Variants in SAMD3 observed in about 807,000 individuals in gnomAD.
The protein encoded by SAMD3 is sterile alpha motif domain containing 3.
Under a neutral mutation model 58.5 loss-of-function variants are expected in SAMD3, and 63 were observed. That is an observed-to-expected ratio of 1.08 (90% CI 0.88 to 1.33). The LOEUF (loss-of-function observed/expected upper bound fraction) is 1.33. Among genes scored for constraint, SAMD3 ranks in the 40% most tolerant of loss-of-function variants. The pLI, the probability that SAMD3 is intolerant of heterozygous loss-of-function variation, is 0.00. For missense variants in SAMD3, 604 were observed against 608.4 expected (o/e 0.99, Z 0.08); for synonymous variants, 220 against 210.3 (o/e 1.05, Z -0.40).
intron 5 of SAMD3, among the ~76,000 whole-genome samples, chr6:130,185,649 T>TTA (rs1475561074): frequency 1.3e-5 from 2 of 148,604 alleles, no homozygotes; most frequent in African/African-American, 5.0e-5. Flanking sequence ...TTTTTTTTTT[T>TTA]AGACAGAGTC....
chr6:130,213,721 A>C (rs896255981), intron 4 of SAMD3, among the ~76,000 whole-genome samples: 2 of 152,186 alleles, frequency 1.3e-5, no homozygotes, highest in African/African-American at 4.8e-5. Flanking sequence ...TGATTAAAAA[A>C]CAAACAAATA....
At chr6:130,292,267 C>CTTTTTTTTTTTT (rs1554271698) in intron 2 of SAMD3, among the ~76,000 whole-genome samples, 1 of 83,942 alleles carries the variant, frequency 1.2e-5, no homozygotes, top group African/African-American at 3.9e-5. Flanking sequence ...TTTTTTCTTT[C>CTTTTTTTTTTTT]TTTCTTTTTT....
In SAMD3 at chr6:130,184,575, C is replaced by A. The variant is rs377087757; in HGVS notation, c.432G>T (p.Thr144=). Reference sequence around the variant, plus strand: ...GAAACTCTGGTAAAACATAGGACTTCGTCCACTGTAATGCTTTGCTTCTTG... The same window carrying A: ...GAAACTCTGGTAAAACATAGGACTTAGTCCACTGTAATGCTTTGCTTCTTG... ...ILARSKALQW[T]KSYVLPEFPY... Residue 144 remains threonine (T), a synonymous_variant, in exon 6 of 12, where the codon ACG becomes ACT. Coordinates refer to ENST00000439090, the MANE Select transcript of SAMD3 (RefSeq NM_001017373.4). The A allele has an allele frequency of 6.2e-7, 1 of 1,613,868 alleles. No individual in the cohort carries two copies.
intron 1 of SAMD3, among the ~76,000 whole-genome samples, chr6:130,319,821 A>G (rs1047696744): frequency 9.8e-5 from 15 of 152,324 alleles, no homozygotes; most frequent in African/African-American, 2.6e-4. Context: ...TAAGTTTAAC[A>G]TGTAGAAGTA....
chr6:130,349,291 A>G (rs1041529118), intron 1 of SAMD3, among the ~76,000 whole-genome samples: 3 of 152,032 alleles, frequency 2.0e-5, no homozygotes, highest in Non-Finnish European at 4.4e-5. Context: ...AATCCAGGAG[A>G]TGGTTTTTTG....
intron 2 of SAMD3, among the ~76,000 whole-genome samples, chr6:130,267,905 CA>C (rs1312874834): frequency 1.3e-5 from 2 of 152,156 alleles, no homozygotes; most frequent in African/African-American, 4.8e-5. Context: ...TGCTCCCGGC[CA>C]AATAAACCCC....
At chr6:130,332,801 G>C (rs1186787232) in intron 1 of SAMD3, among the ~76,000 whole-genome samples, 1 of 152,128 alleles carries the variant, frequency 6.6e-6, no homozygotes, top group Non-Finnish European at 1.5e-5. Flanking sequence ...GGCTGTTTGT[G>C]GTTGTTTTAT....
At chr6:130,159,378 C>T (rs1321340457) in intron 8 of SAMD3, among the ~76,000 whole-genome samples, 1 of 152,122 alleles carries the variant, frequency 6.6e-6, no homozygotes, top group Non-Finnish European at 1.5e-5. Flanking sequence ...TTGTAAATTG[C>T]CCGGTCTCAG....
At chr6:130,231,495 C>T (rs955744971) in intron 2 of SAMD3, among the ~76,000 whole-genome samples, 41 of 151,918 alleles carry the variant, frequency 2.7e-4, no homozygotes, top group African/African-American at 8.7e-4. Context: ...ACCTGGGAGG[C>T]GGAGGTTGCC....
intron 8 of SAMD3, among the ~76,000 whole-genome samples, chr6:130,167,881 G>A (rs1416940847): frequency 3.3e-5 from 5 of 152,204 alleles, no homozygotes; most frequent in African/African-American, 9.7e-5. Flanking sequence ...GACAAGCAAA[G>A]CTATATATAT....
intron 2 of SAMD3, among the ~76,000 whole-genome samples, chr6:130,230,987 T>G (rs1796528644): frequency 6.6e-6 from 1 of 152,170 alleles, no homozygotes; most frequent in South Asian, 2.1e-4. Flanking sequence ...TCATGTTCTG[T>G]TCAACAGTGC....
chr6:130,232,272 C>T (rs912802023), intron 2 of SAMD3, among the ~76,000 whole-genome samples: 1 of 152,106 alleles, frequency 6.6e-6, no homozygotes, highest in African/African-American at 2.4e-5. Flanking sequence ...TTAAAAGACT[C>T]CAAAGGATTG....
chr6:130,287,806 A>G (rs905285774), intron 2 of SAMD3, among the ~76,000 whole-genome samples: 9 of 152,074 alleles, frequency 5.9e-5, no homozygotes, highest in Admixed American at 3.3e-4. Context: ...TAGCACGGGC[A>G]TGGTGTCACG....
chr6:130,323,875 T>C (rs1776668457), intron 1 of SAMD3, among the ~76,000 whole-genome samples: 2 of 150,268 alleles, frequency 1.3e-5, no homozygotes, highest in South Asian at 4.2e-4. Flanking sequence ...AAAATGTGTC[T>C]TCTGGTTCCC....
chr6:130,238,200 C>T (rs764357730), intron 2 of SAMD3, among the ~76,000 whole-genome samples: 7 of 152,108 alleles, frequency 4.6e-5, no homozygotes, highest in African/African-American at 7.2e-5. Context: ...GGGATAACTA[C>T]GTGCACAGAG....
intron 2 of SAMD3, among the ~76,000 whole-genome samples, chr6:130,274,469 G>C (rs1415174441): frequency 1.3e-5 from 2 of 152,184 alleles, no homozygotes; most frequent in Non-Finnish European, 2.9e-5. Flanking sequence ...AGTGACATGT[G>C]AGTCTGGGGT....
intron 2 of SAMD3, among the ~76,000 whole-genome samples, chr6:130,252,518 AAAC>A (rs1240631434): frequency 6.6e-6 from 1 of 152,214 alleles, no homozygotes; most frequent in Non-Finnish European, 1.5e-5. Context: ...TGGGGGGTGA[AAAC>A]AAGGCAAATC....
At chr6:130,208,126 C>T (rs1209439850) in intron 5 of SAMD3, among the ~76,000 whole-genome samples, 1 of 152,222 alleles carries the variant, frequency 6.6e-6, no homozygotes, top group Non-Finnish European at 1.5e-5. Context: ...ATAATGCCCA[C>T]CTTGCAGTAC....
Position 130,154,987 on chromosome 6 carries a change from A to G in SAMD3, c.861T>C (p.His287=), listed in dbSNP as rs777121732. 2 of 1,613,294 alleles carry G rather than the reference A, an allele frequency of 1.2e-6. No individual in the cohort carries two copies. The highest frequency in any genetic ancestry group is 1.1e-5 in the South Asian group (1 of 91,056). ...CGTATTCTTGCTGGAACCACTTAAT[A>G]TGTTCATCTAGCTCAGAATCAAAAC... ...AVCFDSELDE[H]IKWFQQEYVK... The change falls in exon 9 of 12, where the codon CAT becomes CAC. Residue 287 remains histidine (H), a synonymous_variant. Transcript: ENST00000439090.
Sources: allele counts gnomAD v4.1 joint callset (sites outside exome capture counted in the v4.1 genomes callset), GRCh38; gene constraint gnomAD v4.1.1; transcripts MANE v1.5; gene names NCBI Gene and HGNC (gene_info 2026-07-23, HGNC 2026-07-21).